PTPRM: variants seen among roughly 807,000 people sequenced by gnomAD.
PTPRM encodes the protein protein tyrosine phosphatase receptor type M.
In PTPRM, 47 loss-of-function variants were observed where a neutral mutation model predicts 186.7. The ratio of observed to expected loss-of-function variants is 0.25; its 90% CI spans 0.20 to 0.32. PTPRM has a LOEUF of 0.32. Ranked by LOEUF, PTPRM falls within the 10% of genes least tolerant of loss-of-function variation. PTPRM has a pLI of 1.00. For missense variants in PTPRM, 1,494 were observed against 1,865.0 expected (o/e 0.80, Z 3.66); for synonymous variants, 668 against 674.9 (o/e 0.99, Z 0.16).
At chr18:8,031,176 A>G (rs1159334702) in intron 7 of PTPRM, among the ~76,000 whole-genome samples, 2 of 152,242 alleles carry the variant, frequency 1.3e-5, no homozygotes, top group Non-Finnish European at 2.9e-5. Flanking sequence ...TTTAGTTAGC[A>G]CATGCTAATC....
intron 1 of PTPRM, among the ~76,000 whole-genome samples, chr18:7,615,386 C>T (rs557461997): frequency 3.3e-5 from 5 of 152,106 alleles, no homozygotes; most frequent in East Asian, 1.9e-4. Context: ...GGAAGAGAGA[C>T]GGGATCACTC....
intron 11 of PTPRM, among the ~76,000 whole-genome samples, chr18:8,098,942 G>A (rs1697557292): frequency 6.6e-6 from 1 of 151,984 alleles, no homozygotes; most frequent in Admixed American, 6.6e-5. Flanking sequence ...TCCTCTAATG[G>A]GGAAGCCTCT....
At chr18:7,928,379 T>G (rs921568927) in intron 5 of PTPRM, among the ~76,000 whole-genome samples, 2 of 152,140 alleles carry the variant, frequency 1.3e-5, no homozygotes, top group Non-Finnish European at 2.9e-5. Context: ...CGTATTCAAA[T>G]TTTTTTTCTC....
chr18:7,666,529 T>C (rs911415698), intron 1 of PTPRM, among the ~76,000 whole-genome samples: 1 of 152,184 alleles, frequency 6.6e-6, no homozygotes, highest in East Asian at 1.9e-4. Context: ...CTGACGAGTC[T>C]TCACAGTACT....
chr18:8,303,319 C>T lies in PTPRM; in HGVS notation c.2842+6864C>T, dbSNP rs533737837. ...GCCCTCCTACTCCATTTCCTAACAA[C>T]GAGGTGTGACTAATCAGTGACTGGA... On this transcript the variant is annotated intron_variant, in intron 20 of 32. Coordinates refer to ENST00000580170, the MANE Select transcript of PTPRM (RefSeq NM_001105244.2). Among the ~76,000 whole-genome samples, 8 of 152,212 alleles carry T rather than the reference C, an allele frequency of 5.3e-5. No homozygotes were observed. In the East Asian group the frequency reaches 7.7e-4, roughly 15 times the overall value.
chr18:7,884,854 G>A (rs2048692732), intron 2 of PTPRM, among the ~76,000 whole-genome samples: 1 of 139,722 alleles, frequency 7.2e-6, no homozygotes, highest in Non-Finnish European at 1.5e-5. Context: ...AACCCAGGAG[G>A]CAGAGGTTGC....
intron 1 of PTPRM, among the ~76,000 whole-genome samples, chr18:7,592,507 C>T (rs147100907): frequency 6.8e-4 from 103 of 152,326 alleles, no homozygotes; most frequent in African/African-American, 2.3e-3. Context: ...GCTGTCAGGC[C>T]TCTGCCCACC....
At chr18:7,962,397 TTTC>T (rs1568084789) in intron 7 of PTPRM, among the ~76,000 whole-genome samples, 1 of 152,170 alleles carries the variant, frequency 6.6e-6, no homozygotes, top group African/African-American at 2.4e-5. Flanking sequence ...GGTGTTGTGT[TTTC>T]TTTTATCTTA....
chr18:8,115,345 C>G (rs1205614443), intron 13 of PTPRM, among the ~76,000 whole-genome samples: 1 of 152,084 alleles, frequency 6.6e-6, no homozygotes, highest in Non-Finnish European at 1.5e-5. Context: ...ATTTCCCAAG[C>G]CTGGTTAAAA....
At chr18:7,768,920 A>G (rs547135345) in intron 1 of PTPRM, among the ~76,000 whole-genome samples, 13 of 152,228 alleles carry the variant, frequency 8.5e-5, no homozygotes, top group African/African-American at 3.1e-4. Context: ...TGCTGGGATT[A>G]CAGGTGTGAG....
intron 1 of PTPRM, among the ~76,000 whole-genome samples, chr18:7,744,710 A>G (rs923958279): frequency 3.9e-5 from 6 of 152,078 alleles, no homozygotes; most frequent in South Asian, 4.2e-4. Flanking sequence ...TGAGAACTGT[A>G]TTGGACACCC....
intron 2 of PTPRM, among the ~76,000 whole-genome samples, chr18:7,853,154 A>G (rs144759470): frequency 6.6e-6 from 1 of 152,246 alleles, no homozygotes; most frequent in Non-Finnish European, 1.5e-5. Context: ...AAGAACAGAT[A>G]ATGTTCTAAT....
At chr18:7,806,670 C>T (rs935488079) in intron 2 of PTPRM, among the ~76,000 whole-genome samples, 1 of 152,188 alleles carries the variant, frequency 6.6e-6, no homozygotes, top group Non-Finnish European at 1.5e-5. Flanking sequence ...CTCTGTGGAG[C>T]GCAGGCACTG....
At chr18:7,790,628 C>A (rs979464056) in intron 2 of PTPRM, among the ~76,000 whole-genome samples, 1 of 152,218 alleles carries the variant, frequency 6.6e-6, no homozygotes, top group Non-Finnish European at 1.5e-5. Flanking sequence ...AAGAGGAGAT[C>A]TCTCTAAGAC....
chr18:7,831,194 G>A (rs548811702), intron 2 of PTPRM, among the ~76,000 whole-genome samples: 1 of 152,116 alleles, frequency 6.6e-6, no homozygotes, highest in East Asian at 1.9e-4. Context: ...TCTTAACTAG[G>A]AGCAATGGTC....
At chr18:7,845,414 C>T (rs2046543960) in intron 2 of PTPRM, among the ~76,000 whole-genome samples, 1 of 152,092 alleles carries the variant, frequency 6.6e-6, no homozygotes, top group Non-Finnish European at 1.5e-5. Context: ...TGTGTTCAGT[C>T]ACTTTTTTTG....
intron 2 of PTPRM, among the ~76,000 whole-genome samples, chr18:7,864,203 A>C (rs2047548214): frequency 6.6e-6 from 1 of 152,224 alleles, no homozygotes; most frequent in Admixed American, 6.5e-5. Context: ...TAGTTTAATT[A>C]GATCCCATTT....
chr18:8,403,847 C>T (rs2095886328), intron 32 of PTPRM: 1 of 152,182 alleles, frequency 6.6e-6, no homozygotes, highest in Admixed American at 6.5e-5. Flanking sequence ...TTCTTTCACT[C>T]AGCAGATTCA....
chr18:7,577,619 G>T (rs770762574), intron 1 of PTPRM, among the ~76,000 whole-genome samples: 2 of 152,136 alleles, frequency 1.3e-5, no homozygotes, highest in Non-Finnish European at 2.9e-5. Context: ...ATACTCTCAA[G>T]TGATAAAACT....
Sources: gnomAD v4.1 joint callset for allele counts (sites outside exome capture counted in the v4.1 genomes callset) on GRCh38, gnomAD v4.1.1 for gene constraint, MANE v1.5 for transcripts, NCBI Gene and HGNC (gene_info 2026-07-23, HGNC 2026-07-21) for gene names.